Variants in PAK2 observed in about 807,000 individuals in gnomAD.
PAK2 encodes p21 (RAC1) activated kinase 2, also known as serine/threonine-protein kinase PAK 2.
A neutral mutation model predicts 65.9 loss-of-function variants in PAK2; 21 were observed. The ratio of observed to expected loss-of-function variants is 0.32; its 90% CI spans 0.23 to 0.46. The LOEUF is 0.46. PAK2 is among the 20% of genes least tolerant of loss of function. The pLI, the probability that PAK2 is intolerant of heterozygous loss-of-function variation, is 1.00. For synonymous variants in PAK2, 204 were observed against 219.7 expected (o/e 0.93, Z 0.63); for missense variants, 324 against 642.6 (o/e 0.50, Z 5.36).
intron 13 of PAK2, among the ~76,000 whole-genome samples, chr3:196,823,231 T>C (rs1711711400): frequency 6.6e-6 from 1 of 151,744 alleles, no homozygotes. Flanking sequence ...GTGGTGTGAG[T>C]CTGGATGTAT....
rs1273265294 is a variant in PAK2 at position 196,804,836 on chromosome 3, T to C, written c.437-516T>C. The stretch of plus-strand genomic sequence containing the variant: ...ATATATATATATATACACATATATA[T>C]ATATATATACACACACACATATACA... On this transcript the variant is annotated intron_variant, in intron 4 of 14. Transcript: ENST00000327134. Among the ~76,000 whole-genome samples, 3 of 150,876 alleles carry C rather than the reference T, an allele frequency of 2.0e-5. No individual in the cohort carries two copies. In the East Asian group the frequency reaches 5.8e-4, roughly 29 times the overall value.
At chr3:196,787,855 T>A (rs1374785638) in intron 2 of PAK2, among the ~76,000 whole-genome samples, 1 of 152,214 alleles carries the variant, frequency 6.6e-6, no homozygotes, top group Non-Finnish European at 1.5e-5. Context: ...CACAGCCCAG[T>A]CACTGGGGCC....
intron 2 of PAK2, 45 bp from the exon 3 acceptor site, chr3:196,801,882 G>C: frequency 4.0e-6 from 4 of 993,386 alleles, no homozygotes; most frequent in South Asian, 4.0e-5. Context: ...TACTAGTCTT[G>C]TTTAAATAGG....
chr3:196,751,694 T>TATATATATATATATATAAA (rs1211217848), intron 1 of PAK2, among the ~76,000 whole-genome samples: 4 of 45,862 alleles, frequency 8.7e-5, no homozygotes, highest in South Asian at 5.3e-4. Context: ...TATATATATA[T>TATATATATATATATATAAA]AATTCAGGCT....
Position 196,740,647 on chromosome 3 carries a change from G to C in PAK2, c.-22+490G>C, listed in dbSNP as rs73072761. ...CGCGAGTAGCTTGACTGTTTTCTCAGCTCCAGCCTGTAACCTCTTTTCCAC... is the reference window on the plus strand; with the variant it reads ...CGCGAGTAGCTTGACTGTTTTCTCACCTCCAGCCTGTAACCTCTTTTCCAC... On this transcript the variant is annotated intron_variant, in intron 1 of 14. Transcript: ENST00000327134. Among the ~76,000 whole-genome samples the C allele has an allele frequency of 4.0e-3, 603 of 152,198 alleles. 5 individuals are homozygous for C. The highest frequency in any genetic ancestry group is 0.014 in the African/African-American group (573 of 41,510).
At chr3:196,772,364 GCTTA>G (rs1311273852) in intron 1 of PAK2, among the ~76,000 whole-genome samples, 1 of 152,098 alleles carries the variant, frequency 6.6e-6, no homozygotes, top group Non-Finnish European at 1.5e-5. Context: ...TTAGTAAATT[GCTTA>G]CTCTTTTTGA....
intron 2 of PAK2, among the ~76,000 whole-genome samples, chr3:196,795,311 A>C (rs568777014): frequency 6.6e-6 from 1 of 151,892 alleles, no homozygotes; most frequent in African/African-American, 2.4e-5. Flanking sequence ...AAAAAGAAAA[A>C]AAGAAAAATT....
At chr3:196,743,577 G>T (rs1179332767) in intron 1 of PAK2, among the ~76,000 whole-genome samples, 22 of 152,070 alleles carry the variant, frequency 1.4e-4, no homozygotes, top group Non-Finnish European at 2.6e-4. Context: ...GCCGGGTGCG[G>T]TGGCTCACAC....
In PAK2 at chr3:196,757,703, T is replaced by C. The variant is rs545649305; in HGVS notation, c.-22+17546T>C. Among the ~76,000 whole-genome samples, 20 of 152,346 alleles carry C rather than the reference T, an allele frequency of 1.3e-4. 1 individual carries two copies. Among genetic ancestry groups the C allele is most frequent in the African/African-American group, 4.8e-4 (20 of 41,582 alleles). The stretch of plus-strand genomic sequence containing the variant: ...TTCCCACTGCTTGCCAGCTGTGCCC[T>C]GTGATCTCCTTGCTGTCTCATGAGC... On this transcript the variant is annotated intron_variant, in intron 1 of 14. Transcript: ENST00000327134.
At chr3:196,769,283 A>C (rs1714283111) in intron 1 of PAK2, among the ~76,000 whole-genome samples, 1 of 151,932 alleles carries the variant, frequency 6.6e-6, no homozygotes, top group Non-Finnish European at 1.5e-5. Flanking sequence ...TTATTGCACC[A>C]CTGCACTCCT....
intron 2 of PAK2, among the ~76,000 whole-genome samples, chr3:196,797,796 T>C (rs952336467): frequency 6.6e-6 from 1 of 152,066 alleles, no homozygotes; most frequent in Non-Finnish European, 1.5e-5. Flanking sequence ...ATAAAGTGTG[T>C]TCTTGTGATC....
chr3:196,755,967 G>C (rs1225518259), intron 1 of PAK2, among the ~76,000 whole-genome samples: 2 of 151,988 alleles, frequency 1.3e-5, no homozygotes, highest in Non-Finnish European at 2.9e-5. Context: ...TGTTGGTCTG[G>C]CTGGTGTTGA....
intron 1 of PAK2, among the ~76,000 whole-genome samples, chr3:196,760,065 C>T (rs187566823): frequency 6.6e-6 from 1 of 152,244 alleles, no homozygotes; most frequent in East Asian, 1.9e-4. Context: ...CAAGGTCCAT[C>T]CATGCTGTGG....
At position 196,758,759 on chromosome 3, in the gene PAK2, G is replaced by A. The variant is rs185711916; in HGVS notation, c.-22+18602G>A. Among the ~76,000 whole-genome samples the A allele has an allele frequency of 3.9e-5, 6 of 152,210 alleles. No homozygotes were observed. In the East Asian group the frequency reaches 1.2e-3, roughly 29 times the overall value. Reference sequence around the variant, plus strand: ...GCAGCCTCCACTTCCTGGTTCGGGCGATTCTCATGCCTCAGCCTCCTGAGT... The same window carrying A: ...GCAGCCTCCACTTCCTGGTTCGGGCAATTCTCATGCCTCAGCCTCCTGAGT... On this transcript the variant is annotated intron_variant, in intron 1 of 14. Transcript: ENST00000327134.
chr3:196,758,081 T>G (rs1388999911), intron 1 of PAK2, among the ~76,000 whole-genome samples: 1 of 152,228 alleles, frequency 6.6e-6, no homozygotes, highest in Non-Finnish European at 1.5e-5. Context: ...ATTCACTGAT[T>G]TATTCATTCA....
intron 13 of PAK2, among the ~76,000 whole-genome samples, chr3:196,825,037 A>G (rs1467433791): frequency 6.6e-6 from 1 of 152,210 alleles, no homozygotes. Flanking sequence ...CTTCTAAAAA[A>G]TTAGTCAGTT....
At chr3:196,815,382 C>T (rs1715980671) in intron 11 of PAK2, among the ~76,000 whole-genome samples, 1 of 151,526 alleles carries the variant, frequency 6.6e-6, no homozygotes, top group Non-Finnish European at 1.5e-5. Flanking sequence ...ATCCCAGCTA[C>T]TCGCGAGGCT....
At chr3:196,807,588 C>T (rs1388349819) in intron 6 of PAK2, among the ~76,000 whole-genome samples, 194 bp from the exon 7 acceptor site, 1 of 152,112 alleles carries the variant, frequency 6.6e-6, no homozygotes, top group East Asian at 1.9e-4. Context: ...TCATGCTATG[C>T]CAAAGAAAAA....
At position 196,776,470 on chromosome 3, in the gene PAK2, G is replaced by A. The variant is rs73074632; in HGVS notation, c.-21-6156G>A. Among the ~76,000 whole-genome samples, 613 of 152,168 alleles carry A rather than the reference G, an allele frequency of 4.0e-3. 3 individuals carry two copies. Among genetic ancestry groups the A allele is most frequent in the African/African-American group, 0.014 (576 of 41,500 alleles). On this transcript the variant is annotated intron_variant, in intron 1 of 14. Coordinates refer to ENST00000327134, the MANE Select transcript of PAK2 (RefSeq NM_002577.4). ...CACAAATTCCGGTTGTTCAGACTTC[G>A]TATTTTGCGGACATTTCCTCAAAAA...
Sources: gnomAD v4.1 joint callset for allele counts (sites outside exome capture counted in the v4.1 genomes callset) on GRCh38, gnomAD v4.1.1 for gene constraint, MANE v1.5 for transcripts, NCBI Gene and HGNC (gene_info 2026-07-23, HGNC 2026-07-21) for gene names.